Variants in NCKAP5 observed in about 807,000 individuals in gnomAD.
NCKAP5 encodes NCK associated protein 5.
Under a neutral mutation model 167.0 loss-of-function variants are expected in NCKAP5, and 92 were observed. The ratio of observed to expected loss-of-function variants is 0.55; its 90% confidence interval spans 0.47 to 0.66. NCKAP5 has a LOEUF of 0.66. Ranked by LOEUF, NCKAP5 falls within the 30% of genes least tolerant of loss-of-function variation. NCKAP5 has a pLI of 0.00. For missense variants in NCKAP5, 2,378 were observed against 2,315.0 expected (o/e 1.03, Z -0.56); for synonymous variants, 891 against 877.4 (o/e 1.02, Z -0.27).
intron 2 of NCKAP5, among the ~76,000 whole-genome samples, chr2:133,546,815 G>T (rs917077494): frequency 8.5e-5 from 13 of 152,302 alleles, no homozygotes; most frequent in Admixed American, 6.5e-4. Context: ...GGAATGCTTG[G>T]GTCTAGGAAA....
intron 6 of NCKAP5, among the ~76,000 whole-genome samples, chr2:133,089,471 CA>C (rs962557323): frequency 4.6e-5 from 7 of 151,628 alleles, no homozygotes; most frequent in Admixed American, 3.9e-4. Flanking sequence ...ACTGATGGCT[CA>C]AAAAAAAGAT....
At chr2:133,303,237 T>C in intron 3 of NCKAP5, 127 bp from the exon 4 acceptor site, 1 of 645,550 alleles carries the variant, frequency 1.5e-6, no homozygotes, top group Non-Finnish European at 2.9e-6. Flanking sequence ...GGTTCTAGGA[T>C]TCTCTGCTTC....
At chr2:132,931,820 A>G (rs1467435790) in intron 8 of NCKAP5, among the ~76,000 whole-genome samples, 1 of 152,228 alleles carries the variant, frequency 6.6e-6, no homozygotes, top group Non-Finnish European at 1.5e-5. Flanking sequence ...TGTTAATCAC[A>G]CACATGCAAA....
intron 3 of NCKAP5, among the ~76,000 whole-genome samples, chr2:133,319,419 A>G (rs1324053011): frequency 1.3e-5 from 2 of 152,082 alleles, no homozygotes; most frequent in Non-Finnish European, 2.9e-5. Context: ...CGAGAGAAGT[A>G]CCCATGATAA....
intron 6 of NCKAP5, among the ~76,000 whole-genome samples, chr2:133,049,744 C>A (rs567515844): frequency 6.6e-6 from 1 of 152,122 alleles, no homozygotes; most frequent in Admixed American, 6.5e-5. Flanking sequence ...GTCACCAAGA[C>A]GTGTGCTTGT....
At chr2:133,014,023 A>C (rs79719071) in intron 6 of NCKAP5, among the ~76,000 whole-genome samples, 92 of 152,198 alleles carry the variant, frequency 6.0e-4, no homozygotes, top group Non-Finnish European at 1.0e-3. Flanking sequence ...CTGCTCTTAA[A>C]GTCTTCTAAC....
intron 2 of NCKAP5, among the ~76,000 whole-genome samples, chr2:133,542,231 A>G (rs1686284772): frequency 1.3e-5 from 2 of 152,346 alleles, no homozygotes; most frequent in South Asian, 4.1e-4. Flanking sequence ...AAAAATGGGA[A>G]TGCATACTCC....
At chr2:133,658,442 G>A in the NCKAP5 span, among the ~76,000 whole-genome samples, 2 of 152,114 alleles carry the variant, frequency 1.3e-5, no homozygotes, top group Non-Finnish European at 2.9e-5. Flanking sequence ...AAGGCAATTT[G>A]GCTCTGACTC....
At chr2:132,711,235 A>G (rs536857223) in intron 19 of NCKAP5, among the ~76,000 whole-genome samples, 1 of 152,290 alleles carries the variant, frequency 6.6e-6, no homozygotes, top group East Asian at 1.9e-4. Context: ...AAAGCTTTCC[A>G]TTACTGTCTT....
intron 4 of NCKAP5, among the ~76,000 whole-genome samples, chr2:133,217,078 G>A (rs891563909): frequency 2.6e-5 from 4 of 152,086 alleles, no homozygotes; most frequent in Non-Finnish European, 2.9e-5. Context: ...TCGGACCTGA[G>A]AGGCACCTAT....
intron 6 of NCKAP5, among the ~76,000 whole-genome samples, chr2:133,040,665 AT>A (rs2079186704): frequency 6.6e-6 from 1 of 152,246 alleles, no homozygotes; most frequent in Admixed American, 6.5e-5. Flanking sequence ...GAGAGGAAAA[AT>A]AATAATGTAT....
chr2:133,020,721 T>C (rs1193056978), intron 6 of NCKAP5, among the ~76,000 whole-genome samples: 3 of 152,182 alleles, frequency 2.0e-5, no homozygotes, highest in Non-Finnish European at 4.4e-5. Flanking sequence ...CTGCGTGCAA[T>C]AACGCACAAG....
intron 5 of NCKAP5, among the ~76,000 whole-genome samples, chr2:133,181,727 G>A (rs1238162065): frequency 1.3e-5 from 2 of 150,494 alleles, no homozygotes; most frequent in Admixed American, 6.6e-5. Context: ...GCAGTGAGCC[G>A]AGATCACACC....
At chr2:132,939,728 G>A (rs911066055) in intron 8 of NCKAP5, among the ~76,000 whole-genome samples, 2 of 152,090 alleles carry the variant, frequency 1.3e-5, no homozygotes, top group African/African-American at 4.8e-5. Context: ...GGCTGAGCAT[G>A]GTGGCTCACA....
chr2:133,154,925 A>G (rs951968030), intron 5 of NCKAP5, among the ~76,000 whole-genome samples: 7 of 152,158 alleles, frequency 4.6e-5, no homozygotes, highest in Non-Finnish European at 1.0e-4. Flanking sequence ...CCACCACTTA[A>G]ACCTGTAATA....
intron 12 of NCKAP5, among the ~76,000 whole-genome samples, chr2:132,792,348 C>T (rs1048359197): frequency 1.1e-4 from 16 of 152,118 alleles, no homozygotes; most frequent in Non-Finnish European, 1.3e-4. Context: ...TATTGCCGGA[C>T]GTAACTTAGT....
chr2:132,967,208 C>A (rs1326797556), intron 7 of NCKAP5, among the ~76,000 whole-genome samples: 11 of 151,516 alleles, frequency 7.3e-5, no homozygotes. Flanking sequence ...CACATACACA[C>A]ACACATACAC....
In NCKAP5 at chr2:132,709,220, C is replaced by T. The variant is rs915591767; in HGVS notation, c.5713+16407G>A. Among the ~76,000 whole-genome samples the T allele has an allele frequency of 5.9e-5, 9 of 151,296 alleles. No homozygotes were observed. In the Middle Eastern group the frequency reaches 0.01, roughly 173 times the overall value. ...ACCCAACACAAAAATTCTTGAGCCC[C>T]AAAAATAAATAAAAAAGACAGAAGA... On this transcript the variant is annotated intron_variant, in intron 19 of 19. Coordinates refer to ENST00000409261, the MANE Select transcript of NCKAP5 (RefSeq NM_207363.3).
At chr2:132,727,425 G>T (rs1035200137) in intron 18 of NCKAP5, among the ~76,000 whole-genome samples, 1 of 152,204 alleles carries the variant, frequency 6.6e-6, no homozygotes, top group Non-Finnish European at 1.5e-5. Flanking sequence ...GCAATGCTCT[G>T]TGCAAAGTGT....
Sources: gnomAD v4.1 joint callset for allele counts (sites outside exome capture counted in the v4.1 genomes callset) on GRCh38, gnomAD v4.1.1 for gene constraint, MANE v1.5 for transcripts, NCBI Gene and HGNC (gene_info 2026-07-23, HGNC 2026-07-21) for gene names.